OSBPL8: variants seen among roughly 807,000 people sequenced by gnomAD.
OSBPL8 encodes the protein oxysterol binding protein like 8.
In OSBPL8, 59 loss-of-function variants were observed where a neutral mutation model predicts 125.5. The observed-to-expected ratio is 0.47, with a 90% CI of 0.38 to 0.58. The LOEUF (loss-of-function observed/expected upper bound fraction) is 0.58. OSBPL8 is among the 20% of genes least tolerant of loss of function. OSBPL8 has a pLI of 0.00. For synonymous variants in OSBPL8, 330 were observed against 338.9 expected (o/e 0.97, Z 0.29); for missense variants, 758 against 1,047.8 (o/e 0.72, Z 3.82).
Position 76,522,200 on chromosome 12 carries a change from T to C in OSBPL8, c.-67-34582A>G, listed in dbSNP as rs917061419. Among the ~76,000 whole-genome samples, 11 of 151,996 alleles carry C rather than the reference T, an allele frequency of 7.2e-5. 1 individual carries two copies. The highest frequency in any genetic ancestry group is 1.0e-4 in the Non-Finnish European group (7 of 68,030). ...TAAATGAACCTGTCTTTCCTTCTAA[T>C]AGGTTAATCTTTGAAGTAAAATAGA... On this transcript the variant is annotated intron_variant, in intron 1 of 23. Coordinates refer to ENST00000261183, the MANE Select transcript of OSBPL8 (RefSeq NM_020841.5).
At chr12:76,384,138 G>A (rs990511220) in intron 15 of OSBPL8, 116 bp downstream of exon 15, 7 of 496,752 alleles carry the variant, frequency 1.4e-5, no homozygotes, top group African/African-American at 5.8e-5. Context: ...AAGGAAAGAT[G>A]ATACTTAAAA....
At chr12:76,552,382 TGCCACTG>T (rs1950967896) in intron 1 of OSBPL8, among the ~76,000 whole-genome samples, 1 of 128,730 alleles carries the variant, frequency 7.8e-6, no homozygotes, top group African/African-American at 3.0e-5. Context: ...GCCAAGATCC[TGCCACTG>T]CACTCTGGCC....
intron 2 of OSBPL8, among the ~76,000 whole-genome samples, chr12:76,463,444 C>A (rs1296696401): frequency 1.3e-5 from 2 of 152,056 alleles, no homozygotes; most frequent in Non-Finnish European, 2.9e-5. Flanking sequence ...AGACATTCAT[C>A]CAAGTGGAAA....
rs1036427155 is a variant in OSBPL8 at position 76,486,717 on chromosome 12, T to C, written c.42+793A>G. ...ATTATGATCACAGGGTAGAAATGTT[T>C]ATTAAATCTTTATATTTTTATAAAA... On this transcript the variant is annotated intron_variant, in intron 2 of 23. Coordinates refer to ENST00000261183, the MANE Select transcript of OSBPL8 (RefSeq NM_020841.5). Among the ~76,000 whole-genome samples, 7 of 152,234 alleles carry C rather than the reference T, an allele frequency of 4.6e-5. No individual in the cohort carries two copies. In the East Asian group the frequency reaches 1.3e-3, roughly 29 times the overall value.
At chr12:76,535,439 AT>A (rs1365933687) in intron 1 of OSBPL8, among the ~76,000 whole-genome samples, 1 of 152,172 alleles carries the variant, frequency 6.6e-6, no homozygotes, top group Non-Finnish European at 1.5e-5. Context: ...TGTTAATTAA[AT>A]TTTTTTAACT....
At chr12:76,496,697 C>T (rs1206552287) in intron 1 of OSBPL8, among the ~76,000 whole-genome samples, 15 of 152,088 alleles carry the variant, frequency 9.9e-5, no homozygotes, top group Non-Finnish European at 1.6e-4. Flanking sequence ...CCTGCCACCA[C>T]GCCCAGCTAA....
At chr12:76,398,007 T>C in intron 7 of OSBPL8, 110 bp from the exon 8 acceptor site, 2 of 861,714 alleles carry the variant, frequency 2.3e-6, no homozygotes, top group Non-Finnish European at 1.8e-6. Context: ...ACGTACACTT[T>C]AAATATTTTA....
chr12:76,363,641 A>G (rs1202704384), intron 21 of OSBPL8, among the ~76,000 whole-genome samples: 1 of 152,222 alleles, frequency 6.6e-6, no homozygotes, highest in South Asian at 2.1e-4. Context: ...ATGGCAACAA[A>G]AGCCAAAATT....
intron 5 of OSBPL8, among the ~76,000 whole-genome samples, chr12:76,404,355 T>TA (rs2136373099): frequency 6.6e-6 from 1 of 152,294 alleles, no homozygotes; most frequent in South Asian, 2.1e-4. Flanking sequence ...AACTATTAAA[T>TA]AAAAAATACT....
At chr12:76,410,408 C>T (rs571085230) in intron 5 of OSBPL8, among the ~76,000 whole-genome samples, 156 bp downstream of exon 5, 16 of 152,070 alleles carry the variant, frequency 1.1e-4, no homozygotes, top group Non-Finnish European at 2.1e-4. Context: ...CTTATATTAG[C>T]CCCAATGGAA....
At chr12:76,463,784 A>C (rs1184917614) in intron 2 of OSBPL8, among the ~76,000 whole-genome samples, 4 of 152,226 alleles carry the variant, frequency 2.6e-5, no homozygotes, top group Admixed American at 6.5e-5. Flanking sequence ...GTTGCTTGTA[A>C]GTGATGCCAA....
At chr12:76,418,764 C>T (rs1036372063) in intron 4 of OSBPL8, among the ~76,000 whole-genome samples, 22 of 151,896 alleles carry the variant, frequency 1.4e-4, no homozygotes, top group African/African-American at 1.5e-4. Flanking sequence ...CCCCAGGAGG[C>T]GGAGGTTGCT....
intron 2 of OSBPL8, among the ~76,000 whole-genome samples, chr12:76,478,180 C>T (rs1030935419): frequency 6.6e-6 from 1 of 151,918 alleles, no homozygotes; most frequent in Non-Finnish European, 1.5e-5. Flanking sequence ...CCAGCCTAGG[C>T]AACAGAGCGA....
Position 76,386,236 on chromosome 12 carries a change from C to T in OSBPL8, c.1465G>A (p.Gly489Ser). 6.2e-7 allele frequency: 1 copy of T among 1,604,346 alleles called. No homozygotes were observed. Among genetic ancestry groups the T allele is most frequent in the Non-Finnish European group, 8.5e-7 (1 of 1,177,104 alleles). The change falls in exon 14 of 24, where the codon GGC (glycine) becomes AGC (serine). Residue 489 changes from glycine (G) to serine (S), a missense_variant. This residue lies in a region of OSBPL8 where 572 missense variants were observed against 762.0 expected (regional missense o/e 0.75). Coordinates refer to ENST00000261183, the MANE Select transcript of OSBPL8 (RefSeq NM_020841.5). ...GLKKPYNPIL[G>S]ETFRCLWIHP... is the part of the protein sequence containing the mutation. ...ATCCATAAACAACGGAAAGTCTCGC[C>T]AAGTATAGGATTATAAGGTTTCTTC...
intron 2 of OSBPL8, among the ~76,000 whole-genome samples, chr12:76,463,191 T>C (rs1157822519): frequency 1.3e-5 from 2 of 151,992 alleles, no homozygotes; most frequent in African/African-American, 2.4e-5. Context: ...GTGTTAGCAG[T>C]GAAGGTGATG....
intron 1 of OSBPL8, among the ~76,000 whole-genome samples, chr12:76,547,792 C>T (rs76836343): frequency 0.11 from 16,051 of 152,200 alleles, 902 homozygotes; most frequent in Admixed American, 0.12. Context: ...CAATTCTAAA[C>T]AGTTTCATTC....
chr12:76,418,288 A>G (rs1367880611), intron 4 of OSBPL8, among the ~76,000 whole-genome samples: 2 of 152,078 alleles, frequency 1.3e-5, no homozygotes, highest in Non-Finnish European at 2.9e-5. Flanking sequence ...TACAGGTGTG[A>G]GCCACTGTGC....
At chr12:76,393,640 G>A (rs373818930) in intron 9 of OSBPL8, among the ~76,000 whole-genome samples, 2 of 139,338 alleles carry the variant, frequency 1.4e-5, no homozygotes, top group African/African-American at 5.4e-5. Flanking sequence ...GAACCCGGGA[G>A]ACGGAGCTTG....
At chr12:76,399,695 C>T (rs1183733294) in intron 7 of OSBPL8, among the ~76,000 whole-genome samples, 178 bp downstream of exon 7, 1 of 152,172 alleles carries the variant, frequency 6.6e-6, no homozygotes, top group East Asian at 1.9e-4. Flanking sequence ...AAGATTCCTT[C>T]TCTTCATTAA....
Sources: allele counts gnomAD v4.1 joint callset (sites outside exome capture counted in the v4.1 genomes callset), GRCh38; gene constraint gnomAD v4.1.1; regional missense constraint gnomAD v4.1.1; transcripts MANE v1.5; gene names NCBI Gene and HGNC (gene_info 2026-07-23, HGNC 2026-07-21).